ULK4: variants seen among roughly 807,000 people sequenced by gnomAD.
The protein encoded by ULK4 is inactive serine/threonine-protein kinase ULK4.
A neutral mutation model predicts 160.6 loss-of-function variants in ULK4; 133 were observed. That is an observed-to-expected ratio of 0.83 (90% CI 0.72 to 0.96). The LOEUF (loss-of-function observed/expected upper bound fraction) is 0.96, where lower values mean the gene tolerates loss of function less well. Among genes scored for constraint, ULK4 ranks in the 40% least tolerant of loss-of-function variants. ULK4 has a pLI of 0.00. For missense variants in ULK4, 1,580 were observed against 1,499.5 expected (o/e 1.05, Z -0.89); for synonymous variants, 534 against 539.8 (o/e 0.99, Z 0.15).
chr3:41,760,364 A>T (rs1187301938), intron 21 of ULK4, among the ~76,000 whole-genome samples: 1 of 152,198 alleles, frequency 6.6e-6, no homozygotes, highest in Non-Finnish European at 1.5e-5. Flanking sequence ...CAGTTTCATT[A>T]AAATGTTCAA....
intron 21 of ULK4, among the ~76,000 whole-genome samples, chr3:41,787,566 T>C (rs1015335500): frequency 6.6e-5 from 10 of 152,166 alleles, no homozygotes; most frequent in African/African-American, 2.4e-4. Context: ...AATAGAAGAT[T>C]CAAATAACAT....
intron 17 of ULK4, among the ~76,000 whole-genome samples, chr3:41,848,445 G>A (rs550659877): frequency 6.6e-6 from 1 of 152,262 alleles, no homozygotes; most frequent in South Asian, 2.1e-4. Flanking sequence ...TCCTTTTGAG[G>A]AAATACCTTT....
intron 17 of ULK4, among the ~76,000 whole-genome samples, chr3:41,864,035 T>C (rs914191062): frequency 1.3e-5 from 2 of 152,140 alleles, no homozygotes; most frequent in South Asian, 2.1e-4. Context: ...GCAGTCCTTA[T>C]GGCCTAGACT....
At chr3:41,938,399 G>A (rs890736636) in intron 2 of ULK4, among the ~76,000 whole-genome samples, 3 of 152,024 alleles carry the variant, frequency 2.0e-5, no homozygotes, top group East Asian at 3.8e-4. Flanking sequence ...CTTTTCTGGC[G>A]GTGCAAGATG....
chr3:41,326,026 A>T (rs2080333162), intron 35 of ULK4, among the ~76,000 whole-genome samples: 1 of 152,216 alleles, frequency 6.6e-6, no homozygotes, highest in Non-Finnish European at 1.5e-5. Context: ...GTATGATAAA[A>T]TAAAATCAGG....
intron 1 of ULK4, among the ~76,000 whole-genome samples, chr3:41,956,228 A>C (rs566571805): frequency 1.3e-5 from 2 of 152,284 alleles, no homozygotes; most frequent in East Asian, 3.9e-4. Flanking sequence ...AATGAAATGG[A>C]ATCAATGAAA....
intron 20 of ULK4, among the ~76,000 whole-genome samples, chr3:41,796,927 G>C (rs1559558957): frequency 6.6e-6 from 1 of 152,140 alleles, no homozygotes. Context: ...AGTGCTCAGT[G>C]ATAGAAATAA....
intron 4 of ULK4, among the ~76,000 whole-genome samples, chr3:41,934,346 A>G (rs1166283609): frequency 6.6e-6 from 1 of 152,216 alleles, no homozygotes; most frequent in African/African-American, 2.4e-5. Flanking sequence ...TTTAGGTTTA[A>G]TTATATTCTC....
intron 5 of ULK4, among the ~76,000 whole-genome samples, chr3:41,926,626 G>A (rs1213814112): frequency 1.3e-5 from 2 of 149,046 alleles, no homozygotes; most frequent in Admixed American, 1.3e-4. Context: ...AATTGCTAAC[G>A]AGAATAACCA....
intron 32 of ULK4, among the ~76,000 whole-genome samples, chr3:41,553,895 G>A: frequency 6.6e-6 from 1 of 152,116 alleles, no homozygotes; most frequent in South Asian, 2.1e-4. Context: ...TAGCCACCCT[G>A]TTGTGCTAGC....
At chr3:41,827,829 T>G (rs1205025041) in intron 18 of ULK4, among the ~76,000 whole-genome samples, 2 of 151,920 alleles carry the variant, frequency 1.3e-5, no homozygotes, top group Non-Finnish European at 2.9e-5. Flanking sequence ...TACCAAAGCC[T>G]GGCAGAGACA....
In ULK4 at chr3:41,877,538, G is replaced by A. The variant is rs189419948; in HGVS notation, c.1656+6336C>T. 4.1e-3 allele frequency among the ~76,000 whole-genome samples: 631 copies of A among 152,054 alleles called. 17 individuals are homozygous for A. The highest frequency in any genetic ancestry group is 0.032 in the Admixed American group (487 of 15,270). ...GATGGGGTTTTGCCATGTTGGCCAA[G>A]CTGGTCTCGAACGCCTGAACTCAAG... On this transcript the variant is annotated intron_variant, in intron 17 of 36. Transcript: ENST00000301831.
intron 2 of ULK4, among the ~76,000 whole-genome samples, chr3:41,950,236 G>A (rs1362746815): frequency 5.9e-5 from 9 of 151,696 alleles, no homozygotes; most frequent in Non-Finnish European, 5.9e-5. Flanking sequence ...TCAGGTGCAT[G>A]CCACCACCCC....
At chr3:41,282,902 C>A (rs889941125) in intron 35 of ULK4, among the ~76,000 whole-genome samples, 1 of 152,068 alleles carries the variant, frequency 6.6e-6, no homozygotes, top group African/African-American at 2.4e-5. Flanking sequence ...ATCTACCTAT[C>A]TGACAAAGGG....
chr3:41,824,546 G>T (rs531038118), intron 18 of ULK4, among the ~76,000 whole-genome samples: 1 of 152,160 alleles, frequency 6.6e-6, no homozygotes, highest in Non-Finnish European at 1.5e-5. Context: ...AGGGTCCTAC[G>T]CCCATGAAGC....
intron 19 of ULK4, among the ~76,000 whole-genome samples, chr3:41,808,784 C>T (rs1303753276): frequency 1.3e-5 from 2 of 152,028 alleles, no homozygotes; most frequent in Admixed American, 6.5e-5. Context: ...TTTTGTTTAC[C>T]TTGCTGGACA....
intron 35 of ULK4, among the ~76,000 whole-genome samples, chr3:41,367,352 A>T (rs1017308408): frequency 6.6e-6 from 1 of 152,216 alleles, no homozygotes; most frequent in South Asian, 2.1e-4. Flanking sequence ...ATGAGAAAAG[A>T]ATAAAGATAT....
chr3:41,814,457 G>A (rs996468115), intron 19 of ULK4, among the ~76,000 whole-genome samples: 3 of 152,064 alleles, frequency 2.0e-5, no homozygotes, highest in East Asian at 1.9e-4. Context: ...ATACTTGGGC[G>A]GGTGGTGAGT....
chr3:41,523,172 G>C (rs751427777), intron 32 of ULK4, among the ~76,000 whole-genome samples: 34 of 152,182 alleles, frequency 2.2e-4, no homozygotes, highest in African/African-American at 7.7e-4. Flanking sequence ...GCCTCCCAAA[G>C]TGCTAGGATT....
Sources: allele counts gnomAD v4.1 joint callset (sites outside exome capture counted in the v4.1 genomes callset), GRCh38; gene constraint gnomAD v4.1.1; transcripts MANE v1.5; gene names NCBI Gene and HGNC (gene_info 2026-07-23, HGNC 2026-07-21).